Variants in NUP93 observed in about 807,000 individuals in gnomAD.
The protein encoded by NUP93 is nuclear pore complex protein Nup93.
A neutral mutation model predicts 107.8 loss-of-function variants in NUP93; 55 were observed. The observed-to-expected ratio is 0.51, with a 90% CI of 0.41 to 0.64. The LOEUF (loss-of-function observed/expected upper bound fraction) is 0.64, where lower values mean the gene tolerates loss of function less well. NUP93 is among the 30% of genes least tolerant of loss of function. NUP93 has a pLI of 0.00. For synonymous variants in NUP93, 390 were observed against 397.5 expected, an observed-to-expected ratio of 0.98 and a Z score of 0.22; for missense variants, 937 against 1,044.7, an observed-to-expected ratio of 0.90 and a Z score of 1.42.
At chr16:56,806,924 G>C (rs1963154402) in intron 5 of NUP93, among the ~76,000 whole-genome samples, 1 of 152,158 alleles carries the variant, frequency 6.6e-6, no homozygotes, top group Admixed American at 6.5e-5. Flanking sequence ...TTTTGCTGTT[G>C]CACGCTGCTA....
intron 4 of NUP93, among the ~76,000 whole-genome samples, chr16:56,799,048 A>C (rs1654689611): frequency 6.6e-6 from 1 of 152,182 alleles, no homozygotes; most frequent in Admixed American, 6.5e-5. Context: ...ACTGAAATGC[A>C]TCTGAGACAC....
In NUP93 at chr16:56,818,701, GCT is replaced by G; in HGVS notation, c.532_533del (p.Leu178GlyfsTer2). ...AGTGATGTGGGACCCCCTGGTCGAA[GCT>G]CTCTGGATAACATCGAGATGGCCTA... On this transcript the variant is annotated frameshift_variant, in exon 6 of 22. Transcript: ENST00000308159. LOFTEE classifies it high-confidence loss of function. The G allele has an allele frequency of 6.2e-7, 1 of 1,614,186 alleles. No individual in the cohort carries two copies. The highest frequency in any genetic ancestry group is 8.5e-7 in the Non-Finnish European group (1 of 1,180,012).
At chr16:56,823,018 G>A (rs560269854) in intron 7 of NUP93, among the ~76,000 whole-genome samples, 18 of 152,152 alleles carry the variant, frequency 1.2e-4, no homozygotes, top group Admixed American at 1.3e-4. Context: ...TACATTTAAA[G>A]TATTGCCAAG....
chr16:56,842,206 A>T (rs1964039386), intron 21 of NUP93, among the ~76,000 whole-genome samples: 1 of 152,264 alleles, frequency 6.6e-6, no homozygotes. Context: ...TGATCAACAC[A>T]TTAATGTGAA....
intron 3 of NUP93, among the ~76,000 whole-genome samples, chr16:56,794,515 C>T (rs1338106308): frequency 6.6e-6 from 1 of 151,796 alleles, no homozygotes; most frequent in Non-Finnish European, 1.5e-5. Flanking sequence ...GCATTTCTTG[C>T]AGAATATTAT....
Position 56,789,799 on chromosome 16 carries a change from G to T in NUP93, c.298-8677G>T, listed in dbSNP as rs147429359. On this transcript the variant is annotated intron_variant, in intron 3 of 21. Transcript: ENST00000308159. ...AACAATTTAAAGTATTAAAATTTTT[G>T]TAGAAAACAAGCAACAGGGCCAGGT... Among the ~76,000 whole-genome samples the T allele has an allele frequency of 8.8e-3, 1,341 of 152,320 alleles. 22 individuals carry two copies. Among genetic ancestry groups the T allele is most frequent in the African/African-American group, 0.031 (1,271 of 41,558 alleles).
chr16:56,834,314 G>A, intron 14 of NUP93, 56 bp from the exon 15 acceptor site: 1 of 1,613,596 alleles, frequency 6.2e-7, no homozygotes, highest in Non-Finnish European at 8.5e-7. Flanking sequence ...TTCTGAGAAT[G>A]ACTATTAGAG....
intron 3 of NUP93, among the ~76,000 whole-genome samples, chr16:56,793,542 T>C (rs28514610): frequency 0.59 from 89,840 of 151,780 alleles, 27,373 homozygotes; most frequent in East Asian, 0.84. Context: ...ATAAGCTATA[T>C]GAGTACATCT....
intron 3 of NUP93, among the ~76,000 whole-genome samples, chr16:56,781,460 G>T (rs1399636040): frequency 1.3e-5 from 2 of 152,090 alleles, no homozygotes; most frequent in Non-Finnish European, 2.9e-5. Flanking sequence ...GACTAAAATG[G>T]CAGAATCTGT....
At chr16:56,824,699 A>G (rs1300117740) in intron 8 of NUP93, among the ~76,000 whole-genome samples, 1 of 152,202 alleles carries the variant, frequency 6.6e-6, no homozygotes, top group Non-Finnish European at 1.5e-5. Flanking sequence ...GGAAGTCAGA[A>G]GATTTCCTTG....
chr16:56,749,465 G>A lies in NUP93; in HGVS notation c.179+1039G>A, dbSNP rs116303792. 7.6e-3 allele frequency among the ~76,000 whole-genome samples: 1,164 copies of A among 152,298 alleles called. 17 individuals are homozygous for A. The highest frequency in any genetic ancestry group is 0.027 in the African/African-American group (1,101 of 41,546). On this transcript the variant is annotated intron_variant, in intron 2 of 21. Coordinates refer to ENST00000308159, the MANE Select transcript of NUP93 (RefSeq NM_014669.5). Reference sequence around the variant, plus strand: ...CTGATTGTGATGGAAGGGCATGGGAGGATGGAGAGGGTGCTGCTACTTGTG... The same window carrying A: ...CTGATTGTGATGGAAGGGCATGGGAAGATGGAGAGGGTGCTGCTACTTGTG...
chr16:56,804,970 T>C (rs778482088), intron 4 of NUP93, among the ~76,000 whole-genome samples: 1 of 151,854 alleles, frequency 6.6e-6, no homozygotes, highest in Non-Finnish European at 1.5e-5. Flanking sequence ...ATCAGTGAAA[T>C]ACGGTATGTT....
intron 5 of NUP93, among the ~76,000 whole-genome samples, chr16:56,808,499 T>TA (rs1305377880): frequency 1.0e-5 from 1 of 99,678 alleles, no homozygotes; most frequent in Non-Finnish European, 1.8e-5. Flanking sequence ...TGTAACTATA[T>TA]AAATATATAG....
Position 56,848,963 on chromosome 16 carries a change from T to C in NUP93, c.*4354T>C, listed in dbSNP as rs1964146651. 1 of 152,214 alleles carries C rather than the reference T, an allele frequency of 6.6e-6. No individual in the cohort carries two copies. The highest frequency in any genetic ancestry group is 2.1e-4 in the South Asian group (1 of 4,832). 9.4% of individuals were successfully genotyped at this position (152,214 alleles called of 1,614,324 possible). ...TGCTAACCCAGGGAAAGAGGATATT[T>C]TCCTGTCCTAACCTTGGTTTTTGAA... On this transcript the variant is annotated 3_prime_UTR_variant, in exon 22 of 22. Transcript: ENST00000308159.
rs200071844 is a variant in NUP93, at chr16:56,839,601, T to C, written c.2217T>C (p.Asp739=). The C allele has an allele frequency of 1.9e-6, 3 of 1,611,120 alleles. No homozygotes were observed. Among genetic ancestry groups the C allele is most frequent in the East Asian group, 2.2e-5 (1 of 44,858 alleles). Residue 739 remains aspartate (D), a synonymous_variant, in exon 20 of 22, where the codon GAT becomes GAC. Coordinates refer to ENST00000308159, the MANE Select transcript of NUP93 (RefSeq NM_014669.5). ...ERVAAFRNFS[D]EIRHNLSEVL... is the part of the protein sequence containing the mutation. Reference sequence around the variant, plus strand: ...TGGCTGCCTTCAGAAATTTCAGTGATGAAGTAAGTTCCTTCTTCCTGAGTT... The same window carrying C: ...TGGCTGCCTTCAGAAATTTCAGTGACGAAGTAAGTTCCTTCTTCCTGAGTT...
At chr16:56,782,887 C>T (rs1195601989) in intron 3 of NUP93, among the ~76,000 whole-genome samples, 1 of 152,084 alleles carries the variant, frequency 6.6e-6, no homozygotes, top group East Asian at 1.9e-4. Flanking sequence ...TGAGATGGTT[C>T]TTTTTTATTT....
chr16:56,735,200 A>G (rs1232853508), intron 1 of NUP93, among the ~76,000 whole-genome samples: 1 of 152,162 alleles, frequency 6.6e-6, no homozygotes, highest in Admixed American at 6.5e-5. Flanking sequence ...AATGATAGCT[A>G]ATGTTTATTG....
At chr16:56,740,162 G>T (rs1357101100) in intron 1 of NUP93, among the ~76,000 whole-genome samples, 2 of 137,636 alleles carry the variant, frequency 1.5e-5, no homozygotes, top group East Asian at 2.3e-4. Context: ...GGTGGCTGCC[G>T]GGCGGAGACG....
chr16:56,832,189 GCTT>G, intron 11 of NUP93, 103 bp from the exon 12 acceptor site: 1 of 1,253,212 alleles, frequency 8.0e-7, no homozygotes, highest in South Asian at 1.2e-5. Flanking sequence ...CTTAAACACA[GCTT>G]CTAGCTGACA....
Sources: allele counts gnomAD v4.1 joint callset (sites outside exome capture counted in the v4.1 genomes callset), GRCh38; gene constraint gnomAD v4.1.1; transcripts MANE v1.5; gene names NCBI Gene and HGNC (gene_info 2026-07-23, HGNC 2026-07-21).